STARD10: variants seen among roughly 807,000 people sequenced by gnomAD.
The protein encoded by STARD10 is StAR related lipid transfer domain containing 10.
Under a neutral mutation model 36.0 loss-of-function variants are expected in STARD10, and 24 were observed. The ratio of observed to expected loss-of-function variants is 0.67; its 90% CI spans 0.48 to 0.94. The LOEUF is 0.94. STARD10 is among the 40% of genes least tolerant of loss of function. STARD10 has a pLI of 0.00. For missense variants in STARD10, 335 were observed against 396.6 expected, an observed-to-expected ratio of 0.84 and a Z score of 1.32; for synonymous variants, 156 against 161.9, an observed-to-expected ratio of 0.96 and a Z score of 0.28.
chr11:72,766,449 TG>T (rs1286463927), intron 2 of STARD10, among the ~76,000 whole-genome samples: 1 of 152,124 alleles, frequency 6.6e-6, no homozygotes, highest in Non-Finnish European at 1.5e-5. Context: ...GCACATGAAC[TG>T]CATGGTAGAG....
intron 1 of STARD10, among the ~76,000 whole-genome samples, chr11:72,785,603 G>A (rs918544917): frequency 2.0e-5 from 3 of 149,316 alleles, no homozygotes; most frequent in African/African-American, 7.4e-5. Context: ...TAAGAACCTG[G>A]GCCTCTCAGC....
intron 6 of STARD10, 162 bp from the exon 7 acceptor site, chr11:72,755,304 TTC>T: frequency 1.4e-5 from 9 of 646,190 alleles, no homozygotes; most frequent in Non-Finnish European, 1.7e-5. Flanking sequence ...CCATTCTCCA[TTC>T]TTTTTTTTTT....
intron 1 of STARD10, among the ~76,000 whole-genome samples, chr11:72,789,234 C>T (rs1383629240): frequency 6.6e-6 from 1 of 152,208 alleles, no homozygotes; most frequent in Non-Finnish European, 1.5e-5. Flanking sequence ...GAGTGCTTAG[C>T]ACAGTGCCTG....
intron 1 of STARD10, chr11:72,782,560 TAC>T (rs148645204): frequency 7.9e-5 from 12 of 151,530 alleles, no homozygotes; most frequent in Non-Finnish European, 1.2e-4. Flanking sequence ...AACGCGCGTG[TAC>T]ACACACACAC....
In STARD10 at chr11:72,793,737, C is replaced by G. The variant is rs935226881; in HGVS notation, c.-976G>C. On this transcript the variant is annotated 5_prime_UTR_variant, in exon 1 of 7. Transcript: ENST00000334805. ...CGCTCTTTGGTGTTTACAGCGGCCGCGAAGCCCCGCGTTTGCGCGTGCGCT... is the reference window on the plus strand; with the variant it reads ...CGCTCTTTGGTGTTTACAGCGGCCGGGAAGCCCCGCGTTTGCGCGTGCGCT... 1 of 152,192 alleles carries G rather than the reference C, an allele frequency of 6.6e-6. No homozygotes were observed. The highest frequency in any genetic ancestry group is 6.5e-5 in the Admixed American group (1 of 15,284). 9.4% of individuals were successfully genotyped at this position (152,192 alleles called of 1,614,324 possible). A position where few individuals can be genotyped will look rare whatever the true frequency, so the allele number is the denominator to read the frequency against.
chr11:72,758,704 C>T, intron 3 of STARD10, 71 bp from the exon 4 acceptor site: 1 of 1,144,560 alleles, frequency 8.7e-7, no homozygotes, highest in Non-Finnish European at 1.3e-6. Context: ...GTGGCAGAGG[C>T]CAGAGATGCA....
At chr11:72,774,342 G>A (rs1433884770) in intron 2 of STARD10, among the ~76,000 whole-genome samples, 1 of 152,212 alleles carries the variant, frequency 6.6e-6, no homozygotes, top group African/African-American at 2.4e-5. Context: ...AGGCTGAGGG[G>A]CAGGAAGGCA....
chr11:72,765,338 T>G (rs1246713920), intron 2 of STARD10, among the ~76,000 whole-genome samples: 1 of 152,132 alleles, frequency 6.6e-6, no homozygotes, highest in East Asian at 1.9e-4. Flanking sequence ...CTACAGGCTG[T>G]GTCCCAGGCA....
rs148320644 is a variant in STARD10 at position 72,777,102 on chromosome 11, C to T, written c.207+3873G>A. Among the ~76,000 whole-genome samples the T allele has an allele frequency of 9.8e-3, 1,492 of 152,352 alleles. 19 individuals are homozygous for T. Among genetic ancestry groups the T allele is most frequent in the African/African-American group, 0.032 (1,335 of 41,590 alleles). On this transcript the variant is annotated intron_variant, in intron 2 of 6. Transcript: ENST00000334805. Reference sequence around the variant, plus strand: ...CTCTTATCAGGCCTCATTCCTGCCCCAAGGCTGCCTGTGCAGTGGGTAGGA... The same window carrying T: ...CTCTTATCAGGCCTCATTCCTGCCCTAAGGCTGCCTGTGCAGTGGGTAGGA...
chr11:72,771,738 C>G (rs1858860886), intron 2 of STARD10, among the ~76,000 whole-genome samples: 1 of 152,180 alleles, frequency 6.6e-6, no homozygotes, highest in African/African-American at 2.4e-5. Context: ...AGGCCCAGCT[C>G]TGCAGCAGTG....
rs367907815 is a variant in STARD10, at chr11:72,754,870, G to A, written c.*27C>T. 4 of 1,589,076 alleles carry A rather than the reference G, an allele frequency of 2.5e-6. No individual in the cohort carries two copies. Among genetic ancestry groups the A allele is most frequent in the Non-Finnish European group, 3.4e-6 (4 of 1,173,736 alleles). The stretch of plus-strand genomic sequence containing the variant: ...GCCGCCCCAGGGCTCGCCCGGTCCT[G>A]TCTCCGTCCCTGAAGCGGTGCGGCG... On this transcript the variant is annotated 3_prime_UTR_variant, in exon 7 of 7. Coordinates refer to ENST00000334805, the MANE Select transcript of STARD10 (RefSeq NM_006645.3).
At chr11:72,762,879 T>A (rs1858739371) in intron 2 of STARD10, among the ~76,000 whole-genome samples, 1 of 152,142 alleles carries the variant, frequency 6.6e-6, no homozygotes, top group South Asian at 2.1e-4. Flanking sequence ...TGGTATAGCC[T>A]GCTACTCAAA....
intron 2 of STARD10, among the ~76,000 whole-genome samples, chr11:72,776,371 T>G (rs570071946): frequency 2.2e-4 from 33 of 152,148 alleles, no homozygotes; most frequent in Admixed American, 7.2e-4. Context: ...TAAAACTAGA[T>G]GAAGTCATGC....
intron 1 of STARD10, among the ~76,000 whole-genome samples, chr11:72,791,133 C>T (rs1859138199): frequency 2.6e-5 from 4 of 152,154 alleles, no homozygotes; most frequent in African/African-American, 9.7e-5. Context: ...AACATTGAGA[C>T]AGTCCCAAGG....
intron 2 of STARD10, among the ~76,000 whole-genome samples, chr11:72,774,852 T>C (rs949476972): frequency 6.6e-6 from 1 of 152,218 alleles, no homozygotes; most frequent in African/African-American, 2.4e-5. Context: ...GGCATGGAGA[T>C]GCAGGGGAAG....
intron 2 of STARD10, among the ~76,000 whole-genome samples, chr11:72,776,224 G>C (rs989953168): frequency 6.6e-6 from 1 of 152,134 alleles, no homozygotes; most frequent in Non-Finnish European, 1.5e-5. Context: ...GTGTCCAGCA[G>C]GGCAGCCTCC....
chr11:72,770,005 G>T (rs1858837035), intron 2 of STARD10, among the ~76,000 whole-genome samples: 1 of 152,158 alleles, frequency 6.6e-6, no homozygotes, highest in Admixed American at 6.5e-5. Flanking sequence ...TACAGAGCAA[G>T]ATTAAATAAA....
Position 72,793,289 on chromosome 11 carries a change from C to T in STARD10, c.-528G>A, listed in dbSNP as rs909996217. 6.6e-6 allele frequency: 1 copy of T among 152,196 alleles called. No individual in the cohort carries two copies. Among genetic ancestry groups the T allele is most frequent in the Non-Finnish European group, 1.5e-5 (1 of 68,040 alleles). 9.4% of individuals were successfully genotyped at this position (152,196 alleles called of 1,614,324 possible). A position where few individuals can be genotyped will look rare whatever the true frequency, so the allele number is the denominator to read the frequency against. ...AATAATATTTTGCCTTTATATACCG[C>T]GTGGGTAAATTCCTGAAAGTAAACT... is the stretch of plus-strand genomic sequence containing the variant. On this transcript the variant is annotated 5_prime_UTR_variant, in exon 1 of 7. Coordinates refer to ENST00000334805, the MANE Select transcript of STARD10 (RefSeq NM_006645.3).
rs1858614493 is a variant in STARD10 at position 72,754,763 on chromosome 11, A to G, written c.*134T>C. ...GGGATCGTTTATTGGGGCTCTGTCC[A>G]GCCAGGCTGCAGCACCCGCCTGGGC... On this transcript the variant is annotated 3_prime_UTR_variant, in exon 7 of 7. Transcript: ENST00000334805. 2.2e-6 allele frequency: 3 copies of G among 1,343,196 alleles called. No homozygotes were observed. The highest frequency in any genetic ancestry group is 5.0e-5 in the East Asian group (2 of 39,626). The allele number at this position is 1,343,196 out of a possible 1,614,324, so 83.2% of individuals were successfully genotyped here.
Sources: allele counts gnomAD v4.1 joint callset (sites outside exome capture counted in the v4.1 genomes callset), GRCh38; gene constraint gnomAD v4.1.1; transcripts MANE v1.5; gene names NCBI Gene and HGNC (gene_info 2026-07-23, HGNC 2026-07-21).